The following XPC variants were observed in gnomAD, a reference collection of about 807,000 sequenced individuals.
XPC encodes DNA repair protein complementing XP-C cells.
XPC carries 76 observed loss-of-function variants against 95.8 expected under a neutral mutation model. That is an observed-to-expected ratio of 0.79 (90% CI 0.66 to 0.96). The LOEUF is 0.96. Ranked by LOEUF, XPC falls within the 40% of genes least tolerant of loss-of-function variation. The pLI is 0.00. For missense variants in XPC, 1,146 were observed against 1,179.8 expected (o/e 0.97, Z 0.42); for synonymous variants, 442 against 442.1 (o/e 1.00, Z 0.00).
chr3:14,160,782 G>A (rs1293797981), intron 7 of XPC, among the ~76,000 whole-genome samples: 1 of 152,218 alleles, frequency 6.6e-6, no homozygotes, highest in Non-Finnish European at 1.5e-5. Context: ...TAATTTCTCA[G>A]TTTCTTCTTG....
rs3731160 is a variant in XPC, at chr3:14,149,143, G to A, written c.2116-195C>T. Among the ~76,000 whole-genome samples the A allele has an allele frequency of 5.6e-3, 857 of 152,006 alleles. 4 individuals carry two copies. The highest frequency in any genetic ancestry group is 0.019 in the African/African-American group (779 of 41,452). On this transcript the variant is annotated intron_variant, in intron 11 of 15. Coordinates refer to ENST00000285021, the MANE Select transcript of XPC (RefSeq NM_004628.5). The stretch of plus-strand genomic sequence containing the variant: ...CTGTCGCCCAGGCTGGAGTACAGTG[G>A]TGCAATCTTGGCTCGCTGCAACCTC...
In XPC at chr3:14,178,452, G is replaced by A. The variant is rs1228476846; in HGVS notation, c.103+14C>T. 6.3e-7 allele frequency: 1 copy of A among 1,598,474 alleles called. No individual in the cohort carries two copies. Among genetic ancestry groups the A allele is most frequent in the Admixed American group, 1.7e-5 (1 of 59,120 alleles). On this transcript the variant is annotated intron_variant, in intron 1 of 15. Transcript: ENST00000285021. ...GCGGCGTCTCCCGCGAAGCCCGCTGGGCCTCGCTCTCACCCTCCTCCTCCT... is the reference window on the plus strand; with the variant it reads ...GCGGCGTCTCCCGCGAAGCCCGCTGAGCCTCGCTCTCACCCTCCTCCTCCT...
intron 1 of XPC, among the ~76,000 whole-genome samples, chr3:14,173,998 T>G (rs1696714730): frequency 6.6e-6 from 1 of 152,304 alleles, no homozygotes; most frequent in South Asian, 2.1e-4. Flanking sequence ...TTTGTCTTGC[T>G]GACTCTCTGG....
rs1696867494 is a variant in XPC at position 14,177,370 on chromosome 3, G to A, written c.103+1096C>T. Among the ~76,000 whole-genome samples, 4 of 152,124 alleles carry A rather than the reference G, an allele frequency of 2.6e-5. No individual in the cohort carries two copies. In the South Asian group the frequency reaches 8.3e-4, roughly 32 times the overall value. On this transcript the variant is annotated intron_variant, in intron 1 of 15. Transcript: ENST00000285021. ...GAGCATCACAGGTTTTAGTATCCGC[G>A]GGGTATCTGGGAAGGACCACCTTAG...
At chr3:14,157,917 C>T in intron 9 of XPC, 94 bp downstream of exon 9, 1 of 1,472,058 alleles carries the variant, frequency 6.8e-7, no homozygotes, top group East Asian at 2.3e-5. Flanking sequence ...TAAAAACACC[C>T]AACATAGTGC....
intron 1 of XPC, among the ~76,000 whole-genome samples, chr3:14,175,408 T>TAGCAC (rs1432612428): frequency 6.6e-6 from 1 of 152,202 alleles, no homozygotes; most frequent in Non-Finnish European, 1.5e-5. Context: ...ACAGCAGTCT[T>TAGCAC]AGCACAGGGT....
chr3:14,149,215 C>T (rs893630880), intron 11 of XPC, among the ~76,000 whole-genome samples: 18 of 152,106 alleles, frequency 1.2e-4, no homozygotes, highest in Admixed American at 7.9e-4. Context: ...TCCTGAGTAG[C>T]TGGGATTACA....
intron 11 of XPC, among the ~76,000 whole-genome samples, chr3:14,150,205 CAG>C (rs1390703102): frequency 6.6e-6 from 1 of 152,246 alleles, no homozygotes; most frequent in Admixed American, 6.5e-5. Context: ...CAGGCAAGGA[CAG>C]AGTCACGTAA....
In XPC at chr3:14,156,334, C is replaced by T. The variant is rs764480429; in HGVS notation, c.2033+1G>A. The T allele has an allele frequency of 1.8e-5, 29 of 1,612,542 alleles. No homozygotes were observed. Among genetic ancestry groups the T allele is most frequent in the Non-Finnish European group, 2.4e-5 (28 of 1,179,178 alleles). On this transcript the variant is annotated splice_donor_variant, in intron 10 of 15. Transcript: ENST00000285021. LOFTEE classifies it high-confidence loss of function. The stretch of plus-strand genomic sequence containing the variant: ...GAGGCCAACCAGGCTGCCTCACGCA[C>T]CTGGAGTAGACCGCTTCTCCACGAC...
At position 14,173,191 on chromosome 3, in the gene XPC, C is replaced by A. The variant is rs533686242; in HGVS notation, c.104-129G>T. ...CCCATCTCCATCACTGGTTCACCAT[C>A]CCCTGTCTGGTCAGCAACCAGCTCT... is the stretch of plus-strand genomic sequence containing the variant. On this transcript the variant is annotated intron_variant, in intron 1 of 15. Transcript: ENST00000285021. The A allele has an allele frequency of 2.2e-5, 20 of 894,100 alleles. No individual in the cohort carries two copies. In the African/African-American group the frequency reaches 2.9e-4, roughly 13 times the overall value. 55.4% of individuals were successfully genotyped at this position (894,100 alleles called of 1,614,324 possible).
chr3:14,153,850 A>C (rs1402423882), intron 10 of XPC, among the ~76,000 whole-genome samples: 1 of 152,216 alleles, frequency 6.6e-6, no homozygotes, highest in Non-Finnish European at 1.5e-5. Flanking sequence ...CCTGTGTGCC[A>C]GAGCAGCGCT....
At chr3:14,173,153 C>G in intron 1 of XPC, 91 bp from the exon 2 acceptor site, 1 of 1,294,878 alleles carries the variant, frequency 7.7e-7, no homozygotes, top group East Asian at 2.6e-5. Context: ...GGCTCTATGA[C>G]CTGTCTCCAA....
At chr3:14,157,709 A>G (rs1695975833) in intron 9 of XPC, among the ~76,000 whole-genome samples, 1 of 152,128 alleles carries the variant, frequency 6.6e-6, no homozygotes, top group African/African-American at 2.4e-5. Context: ...TCTGAGTTAT[A>G]TTACTTGCAT....
At chr3:14,164,114 AAT>A (rs1272773803) in intron 7 of XPC, among the ~76,000 whole-genome samples, 3 of 152,230 alleles carry the variant, frequency 2.0e-5, no homozygotes, top group African/African-American at 7.2e-5. Context: ...AGCCTTGCCA[AAT>A]ATCTTAGACT....
intron 2 of XPC, among the ~76,000 whole-genome samples, chr3:14,171,167 T>C (rs1421450642): frequency 6.6e-6 from 1 of 152,230 alleles, no homozygotes; most frequent in African/African-American, 2.4e-5. Context: ...CGTAATATAT[T>C]TCTGCAAATT....
intron 11 of XPC, chr3:14,151,619 G>A (rs1695693838): frequency 6.6e-6 from 1 of 152,148 alleles, no homozygotes; most frequent in Non-Finnish European, 1.5e-5. Context: ...AGGACTCCTG[G>A]GGTCTGATGA....
chr3:14,167,643 T>C lies in XPC; in HGVS notation c.537-390A>G, dbSNP rs549649920. On this transcript the variant is annotated intron_variant, in intron 4 of 15. Transcript: ENST00000285021. Reference sequence around the variant, plus strand: ...ACACACCATCATTTATGTGACACTGTTCTAGTGTAAAATCTCTTTTTCAGT... The same window carrying C: ...ACACACCATCATTTATGTGACACTGCTCTAGTGTAAAATCTCTTTTTCAGT... Among the ~76,000 whole-genome samples the C allele has an allele frequency of 4.6e-5, 7 of 152,358 alleles. No homozygotes were observed. The South Asian group carries it at 1.5e-3, about 32-fold the overall frequency.
intron 10 of XPC, chr3:14,153,269 G>T (rs1168647876): frequency 6.6e-6 from 1 of 152,268 alleles, no homozygotes; most frequent in East Asian, 1.9e-4. Flanking sequence ...ACCTGGACAA[G>T]TCACTTTACC....
At chr3:14,170,801 A>C (rs1696581423) in intron 2 of XPC, among the ~76,000 whole-genome samples, 2 of 152,226 alleles carry the variant, frequency 1.3e-5, no homozygotes, top group African/African-American at 4.8e-5. Context: ...AGATCGTGTG[A>C]AAGAAAACAT....
Sources: gnomAD v4.1 joint callset for allele counts (sites outside exome capture counted in the v4.1 genomes callset) on GRCh38, gnomAD v4.1.1 for gene constraint, MANE v1.5 for transcripts, NCBI Gene and HGNC (gene_info 2026-07-23, HGNC 2026-07-21) for gene names.